Variants in MAPKAP1 observed in about 807,000 individuals in gnomAD.
MAPKAP1 encodes the protein MAPK associated protein 1.
Under a neutral mutation model 65.7 loss-of-function variants are expected in MAPKAP1, and 20 were observed. That is an observed-to-expected ratio of 0.30 (90% confidence interval 0.21 to 0.44). The LOEUF (loss-of-function observed/expected upper bound fraction) is 0.44. Ranked by LOEUF, MAPKAP1 falls within the 20% of genes least tolerant of loss-of-function variation. MAPKAP1 has a pLI of 1.00. For synonymous variants in MAPKAP1, 222 were observed against 244.3 expected, an observed-to-expected ratio of 0.91 and a Z score of 0.85; for missense variants, 423 against 648.0, an observed-to-expected ratio of 0.65 and a Z score of 3.77.
Position 125,543,274 on chromosome 9 carries a change from GTT to G in MAPKAP1, c.849-108_849-107del, listed in dbSNP as rs1459759695. 3 of 853,214 alleles carry G rather than the reference GTT, an allele frequency of 3.5e-6. No homozygotes were observed. The East Asian group carries it at 7.6e-5, about 22-fold the overall frequency. 52.9% of individuals were successfully genotyped at this position (853,214 alleles called of 1,614,324 possible). On this transcript the variant is annotated intron_variant, in intron 6 of 11. Transcript: ENST00000265960. ...AGTTTTTTTTGTTGTTGTTTGTTTT[GTT>G]TTGTTTTTGAAATGGAGTCTCGCTC...
intron 4 of MAPKAP1, among the ~76,000 whole-genome samples, chr9:125,621,953 A>C (rs1221155225): frequency 1.3e-5 from 2 of 152,236 alleles, no homozygotes; most frequent in Non-Finnish European, 2.9e-5. Context: ...ATTGTCATAT[A>C]AAAGAATGGA....
At chr9:125,503,019 TTA>T (rs1322832984) in intron 8 of MAPKAP1, among the ~76,000 whole-genome samples, 1 of 152,212 alleles carries the variant, frequency 6.6e-6, no homozygotes, top group East Asian at 1.9e-4. Context: ...GTAATGGTTT[TTA>T]TATCTAAAAA....
intron 7 of MAPKAP1, among the ~76,000 whole-genome samples, chr9:125,522,546 G>A (rs1329742954): frequency 6.6e-6 from 1 of 152,084 alleles, no homozygotes; most frequent in East Asian, 1.9e-4. Flanking sequence ...ACATTAAATC[G>A]GCTCCCAAGT....
At chr9:125,474,227 T>C (rs1180704933) in intron 9 of MAPKAP1, among the ~76,000 whole-genome samples, 1 of 152,092 alleles carries the variant, frequency 6.6e-6, no homozygotes, top group Non-Finnish European at 1.5e-5. Flanking sequence ...AGCACCAGGA[T>C]CCAGTTTGGG....
chr9:125,693,442 T>TACACAC (rs1321301850), intron 1 of MAPKAP1, among the ~76,000 whole-genome samples: 1 of 141,376 alleles, frequency 7.1e-6, no homozygotes, highest in African/African-American at 2.6e-5. Flanking sequence ...TATATATATA[T>TACACAC]ACACACACAC....
rs371213452 is a variant in MAPKAP1 at position 125,652,068 on chromosome 9, T to G, written c.498+5583A>C. 7 of 1,221,622 alleles carry G rather than the reference T, an allele frequency of 5.7e-6. No individual in the cohort carries two copies. The African/African-American group carries it at 1.1e-4, about 19-fold the overall frequency. 75.7% of individuals were successfully genotyped at this position (1,221,622 alleles called of 1,614,324 possible). On this transcript the variant is annotated intron_variant, in intron 4 of 11. Transcript: ENST00000265960. ...ATTTTCCAAGTTCAGATGAGGTGCC[T>G]TTTCCACTAAGGGCAATTTTTCTTT...
intron 6 of MAPKAP1, 94 bp downstream of exon 6, chr9:125,559,539 A>C (rs1830831075): frequency 8.6e-7 from 1 of 1,165,958 alleles, no homozygotes; most frequent in Admixed American, 2.1e-5. Context: ...CAGATGCCAA[A>C]TATCATTTAT....
intron 4 of MAPKAP1, 88 bp downstream of exon 4, chr9:125,657,563 C>A (rs1834067107): frequency 8.2e-7 from 1 of 1,224,164 alleles, no homozygotes; most frequent in Admixed American, 2.4e-5. Context: ...CAAAGCATTT[C>A]TGAAACCCTA....
At chr9:125,622,941 C>T (rs932193752) in intron 4 of MAPKAP1, among the ~76,000 whole-genome samples, 3 of 152,106 alleles carry the variant, frequency 2.0e-5, no homozygotes, top group African/African-American at 4.8e-5. Context: ...CGAATGCCTG[C>T]GATTGCAGGC....
intron 2 of MAPKAP1, 73 bp downstream of exon 2, chr9:125,672,243 A>G (rs976753779): frequency 1.4e-5 from 22 of 1,527,992 alleles, no homozygotes; most frequent in Admixed American, 1.4e-4. Flanking sequence ...GCCTATTCCA[A>G]TATTATGCAT....
chr9:125,509,712 A>T lies in MAPKAP1; in HGVS notation c.959-3295T>A, dbSNP rs552716847. 3.9e-5 allele frequency among the ~76,000 whole-genome samples: 6 copies of T among 152,268 alleles called. No homozygotes were observed. In the South Asian group the frequency reaches 1.2e-3, roughly 32 times the overall value. On this transcript the variant is annotated intron_variant, in intron 7 of 11. Transcript: ENST00000265960. ...CTACCTGACAGCTGGATTATATATA[A>T]GCTACCACTTTCCTGATTACTGGGA... is the stretch of plus-strand genomic sequence containing the variant.
intron 11 of MAPKAP1, among the ~76,000 whole-genome samples, chr9:125,442,128 CAAAAAAAAA>C (rs71492449): frequency 1.0e-4 from 4 of 38,760 alleles, no homozygotes; most frequent in Non-Finnish European, 1.9e-4. Context: ...GACTCTGTCT[CAAAAAAAAA>C]AAAAAAAAAA....
chr9:125,595,893 C>G lies in MAPKAP1; in HGVS notation c.499-10166G>C. The G allele has an allele frequency of 8.2e-7, 1 of 1,216,132 alleles. No individual in the cohort carries two copies. Among genetic ancestry groups the G allele is most frequent in the Non-Finnish European group, 1.2e-6 (1 of 832,288 alleles). 75.3% of individuals were successfully genotyped at this position (1,216,132 alleles called of 1,614,324 possible). On this transcript the variant is annotated intron_variant, in intron 4 of 11. Coordinates refer to ENST00000265960, the MANE Select transcript of MAPKAP1 (RefSeq NM_001006617.3). This position sits in a 1 kb window ranked among gnomAD's most constrained non-coding sequence, Gnocchi z 4.0. ...GTGGATGCAGCCATGAATGCAAGGC[C>G]ACACAAGGTGGATCGGAGTTGTGGA...
intron 9 of MAPKAP1, among the ~76,000 whole-genome samples, chr9:125,470,209 T>C (rs555178846): frequency 5.1e-4 from 77 of 152,322 alleles, no homozygotes; most frequent in African/African-American, 1.8e-3. Flanking sequence ...GAAAATTATA[T>C]AAAACTGTTC....
At chr9:125,668,107 T>G (rs1258217752) in intron 3 of MAPKAP1, among the ~76,000 whole-genome samples, 1 of 152,188 alleles carries the variant, frequency 6.6e-6, no homozygotes, top group Non-Finnish European at 1.5e-5. Context: ...GTAGCAGTCA[T>G]GAAGAAAATC....
At chr9:125,518,735 G>C (rs574446087) in intron 7 of MAPKAP1, among the ~76,000 whole-genome samples, 1 of 152,170 alleles carries the variant, frequency 6.6e-6, no homozygotes, top group Non-Finnish European at 1.5e-5. Flanking sequence ...AAATTTATAA[G>C]ATATAGAATG....
chr9:125,607,719 G>A (rs1465042714), intron 4 of MAPKAP1, among the ~76,000 whole-genome samples: 2 of 152,050 alleles, frequency 1.3e-5, no homozygotes, highest in African/African-American at 4.8e-5. Context: ...GCAGTGGCAC[G>A]ATCTCGGCTC....
chr9:125,442,536 T>A (rs73668949), intron 11 of MAPKAP1, among the ~76,000 whole-genome samples: 123 of 137,122 alleles, frequency 9.0e-4, no homozygotes, highest in African/African-American at 9.1e-4. Context: ...ATGCTGGCTA[T>A]AAAAAAAAAA....
intron 1 of MAPKAP1, among the ~76,000 whole-genome samples, chr9:125,698,204 T>C (rs1168385892): frequency 6.9e-6 from 1 of 145,892 alleles, no homozygotes; most frequent in Non-Finnish European, 1.5e-5. Context: ...CATATGTGTA[T>C]ATATATGTGT....
Sources: gnomAD v4.1 joint callset for allele counts (sites outside exome capture counted in the v4.1 genomes callset) on GRCh38, gnomAD v4.1.1 for gene constraint, Gnocchi (gnomAD v3.1) non-coding constraint, MANE v1.5 for transcripts, NCBI Gene and HGNC (gene_info 2026-07-23, HGNC 2026-07-21) for gene names.